The following EDN1 variants were observed in gnomAD, a reference collection of about 807,000 sequenced individuals.
The protein encoded by EDN1 is endothelin 1.
EDN1 carries 11 observed loss-of-function variants against 21.7 expected under a neutral mutation model. The ratio of observed to expected loss-of-function variants is 0.51; its 90% CI spans 0.32 to 0.84. The LOEUF (loss-of-function observed/expected upper bound fraction) is 0.84. Among genes scored for constraint, EDN1 ranks in the 40% least tolerant of loss-of-function variants. The pLI is 0.03. For synonymous variants in EDN1, 85 were observed against 90.6 expected (o/e 0.94, Z 0.35); for missense variants, 244 against 262.3 (o/e 0.93, Z 0.48).
At chr6:12,287,135 GAAA>G (rs34431567), upstream of EDN1, among the ~76,000 whole-genome samples, 10 of 144,048 alleles carry the variant, frequency 6.9e-5, no homozygotes, top group African/African-American at 2.3e-4. Context: ...TTAAAATTGA[GAAA>G]AAAAAAAAAG....
the EDN1 span, among the ~76,000 whole-genome samples, chr6:12,253,193 A>G: frequency 1.3e-5 from 2 of 152,220 alleles, no homozygotes; most frequent in Admixed American, 1.3e-4. Context: ...CAGACTCCCA[A>G]TGAGCAATGA....
upstream of EDN1, among the ~76,000 whole-genome samples, chr6:12,287,540 C>A (rs1379749140): frequency 6.6e-6 from 1 of 152,030 alleles, no homozygotes; most frequent in Non-Finnish European, 1.5e-5. Flanking sequence ...TTCCCTCTGC[C>A]CCTACAGGAG....
the EDN1 span, among the ~76,000 whole-genome samples, chr6:12,232,952 G>T: frequency 6.6e-6 from 1 of 152,198 alleles, no homozygotes; most frequent in East Asian, 1.9e-4. Context: ...GGATTAAAAG[G>T]TCAAAAAATT....
chr6:12,260,029 G>C, the EDN1 span, among the ~76,000 whole-genome samples: 1 of 151,954 alleles, frequency 6.6e-6, no homozygotes, highest in Non-Finnish European at 1.5e-5. Flanking sequence ...GGTAAAAATT[G>C]ATTTATTTAG....
the EDN1 span, among the ~76,000 whole-genome samples, chr6:12,270,249 TC>T: frequency 6.6e-6 from 1 of 152,070 alleles, no homozygotes; most frequent in Admixed American, 6.5e-5. Flanking sequence ...GTTATGTTGA[TC>T]TTTTTAATTT....
chr6:12,271,105 A>C, the EDN1 span, among the ~76,000 whole-genome samples: 1 of 150,940 alleles, frequency 6.6e-6, no homozygotes, highest in African/African-American at 2.4e-5. Flanking sequence ...GGCAACACAT[A>C]CTTGTTTTTT....
chr6:12,294,754 G>T (rs548055258), intron 4 of EDN1, among the ~76,000 whole-genome samples: 1 of 152,218 alleles, frequency 6.6e-6, no homozygotes, highest in Admixed American at 6.5e-5. Flanking sequence ...CTTTCCCTGA[G>T]AAATCGAAAA....
chr6:12,290,024 C>CT (rs888603725), upstream of EDN1, among the ~76,000 whole-genome samples: 2 of 152,136 alleles, frequency 1.3e-5, no homozygotes, highest in African/African-American at 4.8e-5. Context: ...AATGGTATGA[C>CT]TTTTTTTCTG....
At chr6:12,260,237 A>G in the EDN1 span, among the ~76,000 whole-genome samples, 61,490 of 151,994 alleles carry the variant, frequency 0.4, 14,312 homozygotes, top group South Asian at 0.64. Context: ...AATAATACTT[A>G]TTCAAGGTCA....
chr6:12,290,476 C>T lies in EDN1; in HGVS notation c.-154C>T, dbSNP rs1762643870. The T allele has an allele frequency of 6.2e-6, 4 of 646,470 alleles. No individual in the cohort carries two copies. The highest frequency in any genetic ancestry group is 2.7e-6 in the Non-Finnish European group (1 of 372,894). The allele number at this position is 646,470 out of a possible 1,614,324, so 40.0% of individuals were successfully genotyped here. ...GCTCGCTGCCTTCTCTCCTGGCAGG[C>T]GCTGCCTTTTCTCCCCGTTAAAAGG... On this transcript the variant is annotated 5_prime_UTR_variant, in exon 1 of 5. Transcript: ENST00000379375.
chr6:12,252,211 C>A, the EDN1 span, among the ~76,000 whole-genome samples: 1 of 152,144 alleles, frequency 6.6e-6, no homozygotes, highest in Non-Finnish European at 1.5e-5. Flanking sequence ...AAATCTGGGT[C>A]TAATGTAAGA....
At chr6:12,258,823 C>G in the EDN1 span, among the ~76,000 whole-genome samples, 3 of 152,164 alleles carry the variant, frequency 2.0e-5, no homozygotes, top group Non-Finnish European at 2.9e-5. Flanking sequence ...CTAGACAAGA[C>G]AGCTCCCTAA....
intron 4 of EDN1, 105 bp from the exon 5 acceptor site, chr6:12,295,857 C>G: frequency 2.6e-6 from 3 of 1,136,772 alleles, no homozygotes; most frequent in African/African-American, 3.1e-5. Flanking sequence ...AGTTCACAAC[C>G]AGATTCAGGT....
At position 12,294,258 on chromosome 6, in the gene EDN1, C is replaced by T; in HGVS notation, c.390-3C>T. ...AAATGTTTTTCCTTGTGTATTTTAA[C>T]AGGGCTGAAGACATTATGGAGAAAG... On this transcript the variant is annotated splice_region_variant and splice_polypyrimidine_tract_variant and intron_variant, in intron 3 of 4. Coordinates refer to ENST00000379375, the MANE Select transcript of EDN1 (RefSeq NM_001955.5). 6.2e-7 allele frequency: 1 copy of T among 1,614,084 alleles called. No homozygotes were observed. Among genetic ancestry groups the T allele is most frequent in the Non-Finnish European group, 8.5e-7 (1 of 1,180,016 alleles).
upstream of EDN1, among the ~76,000 whole-genome samples, chr6:12,287,259 A>ATTTT (rs113413253): frequency 6.6e-6 from 1 of 150,978 alleles, no homozygotes; most frequent in East Asian, 1.9e-4. Context: ...CAAAAGGAGC[A>ATTTT]TTTTCCCCCT....
chr6:12,247,291 G>A, the EDN1 span, among the ~76,000 whole-genome samples: 1 of 152,246 alleles, frequency 6.6e-6, no homozygotes, highest in East Asian at 1.9e-4. Flanking sequence ...GTGTGTAAAT[G>A]TTGGTGCTGG....
At chr6:12,244,790 G>A in the EDN1 span, among the ~76,000 whole-genome samples, 14 of 152,130 alleles carry the variant, frequency 9.2e-5, no homozygotes, top group African/African-American at 3.1e-4. Flanking sequence ...CCTGCAAAAG[G>A]ATCTTAGAGA....
the EDN1 span, among the ~76,000 whole-genome samples, chr6:12,265,379 AG>A: frequency 2.6e-5 from 4 of 152,316 alleles, no homozygotes; most frequent in African/African-American, 7.2e-5. Flanking sequence ...CATTTGAGAT[AG>A]GGTGTTTAAA....
chr6:12,269,523 T>A, the EDN1 span, among the ~76,000 whole-genome samples: 1 of 152,096 alleles, frequency 6.6e-6, no homozygotes, highest in South Asian at 2.1e-4. Flanking sequence ...GAGTTTTTAT[T>A]ATGATGAGAT....
Sources: allele counts gnomAD v4.1 joint callset (sites outside exome capture counted in the v4.1 genomes callset), GRCh38; gene constraint gnomAD v4.1.1; transcripts MANE v1.5; gene names NCBI Gene and HGNC (gene_info 2026-07-23, HGNC 2026-07-21).